Variants in ZNF334 observed in about 807,000 individuals in gnomAD.
ZNF334 encodes the protein zinc finger protein 334.
ZNF334 carries 14 observed loss-of-function variants against 12.4 expected under a neutral mutation model. The observed-to-expected ratio is 1.13, with a 90% confidence interval of 0.74 to 1.76. The LOEUF (loss-of-function observed/expected upper bound fraction) is 1.76, where lower values mean the gene tolerates loss of function less well. Ranked by LOEUF, ZNF334 falls within the 40% of genes most tolerant of loss-of-function variation. The probability of loss-of-function intolerance (pLI) is 0.00; values close to 1 mark genes in which losing one functional copy is unlikely to be tolerated. For synonymous variants in ZNF334, 273 were observed against 269.6 expected, an observed-to-expected ratio of 1.01 and a Z score of -0.12; for missense variants, 797 against 804.5, an observed-to-expected ratio of 0.99 and a Z score of 0.11.
At position 46,501,504 on chromosome 20, in the gene ZNF334, T is replaced by C. The variant is rs752781947; in HGVS notation, c.1835A>G (p.Lys612Arg). The part of the protein sequence containing the change: ...CNECGKSFCH[K>R]SAFRVHRRIH... ...TCTTCTATGGACTCTGAAGGCTGAC[T>C]TATGGCAGAAGGATTTCCCACATTC... The change falls in exon 5 of 5, where the codon AAG becomes AGG. Residue 612 changes from lysine to arginine, a missense_variant. Transcript: ENST00000692313. The C allele has an allele frequency of 1.7e-5, 27 of 1,614,050 alleles. No homozygotes were observed. The highest frequency in any genetic ancestry group is 2.1e-5 in the Non-Finnish European group (25 of 1,180,010).
intron 4 of ZNF334, among the ~76,000 whole-genome samples, chr20:46,503,698 A>G (rs2061331148): frequency 3.3e-5 from 5 of 152,278 alleles, no homozygotes. Context: ...TACCCAGGGC[A>G]CCTGTGCAAT....
At chr20:46,478,603 C>T in the ZNF334 span, among the ~76,000 whole-genome samples, 5 of 152,128 alleles carry the variant, frequency 3.3e-5, no homozygotes, top group Non-Finnish European at 1.5e-5. Flanking sequence ...TGAGGCATGT[C>T]CGACCCCACT....
chr20:46,468,862 T>C, the ZNF334 span, among the ~76,000 whole-genome samples: 1 of 152,194 alleles, frequency 6.6e-6, no homozygotes, highest in Non-Finnish European at 1.5e-5. Context: ...ATATGAGACA[T>C]AATTACTAAT....
At chr20:46,470,590 T>C in the ZNF334 span, among the ~76,000 whole-genome samples, 1 of 152,188 alleles carries the variant, frequency 6.6e-6, no homozygotes, top group East Asian at 1.9e-4. Flanking sequence ...AGATAAACAC[T>C]ATATTTTTAT....
At chr20:46,491,697 A>T in the ZNF334 span, 1 of 152,796 alleles carries the variant, frequency 6.5e-6, no homozygotes, top group Non-Finnish European at 1.5e-5. Flanking sequence ...CGTCTGTCAG[A>T]TCTAACACAA....
At chr20:46,509,763 G>A (rs1260515105) in intron 2 of ZNF334, 3 of 678,986 alleles carry the variant, frequency 4.4e-6, no homozygotes, top group Non-Finnish European at 8.1e-6. Context: ...TAAAACAGGA[G>A]GCAGCCTGGT....
rs762414224 is a variant in ZNF334 at position 46,503,051 on chromosome 20, A to C, written c.288T>G (p.His96Gln). Residue 96 changes from histidine (H) to glutamine (Q), a missense_variant, in exon 5 of 5, where the codon CAT (histidine) becomes CAG (glutamine). Physicochemically the swap from His to Gln is conservative, Grantham distance 24. Coordinates refer to ENST00000692313, the MANE Select transcript of ZNF334 (RefSeq NM_001353824.2). ...LEKNKEIQDK[H>Q]LTQTVFFSNK... Reference sequence around the variant, plus strand: ...TGCTGAAGAATACAGTTTGTGTCAAATGTTTATCTTGGATTTCCTTGTTCT... The same window carrying C: ...TGCTGAAGAATACAGTTTGTGTCAACTGTTTATCTTGGATTTCCTTGTTCT... 6 of 1,610,534 alleles carry C rather than the reference A, an allele frequency of 3.7e-6. No homozygotes were observed. Among genetic ancestry groups the C allele is most frequent in the Non-Finnish European group, 5.1e-6 (6 of 1,178,750 alleles).
At chr20:46,465,030 A>G in the ZNF334 span, 1 of 369,636 alleles carries the variant, frequency 2.7e-6, no homozygotes, top group East Asian at 6.9e-5. Context: ...CTTGCCCACT[A>G]CGCCATGTGG....
At chr20:46,510,508 G>A (rs749079677) in intron 2 of ZNF334, among the ~76,000 whole-genome samples, 23 of 152,234 alleles carry the variant, frequency 1.5e-4, no homozygotes, top group East Asian at 5.8e-4. Flanking sequence ...GGAGGATCAC[G>A]AGGTCAGGAG....
At chr20:46,462,820 ATGC>A in the ZNF334 span, among the ~76,000 whole-genome samples, 1 of 152,234 alleles carries the variant, frequency 6.6e-6, no homozygotes, top group African/African-American at 2.4e-5. Flanking sequence ...TACTGCATCT[ATGC>A]AGGGATGAGA....
chr20:46,490,177 A>G, the ZNF334 span, among the ~76,000 whole-genome samples: 1 of 152,150 alleles, frequency 6.6e-6, no homozygotes, highest in Non-Finnish European at 1.5e-5. Flanking sequence ...ATAATTGGGA[A>G]CTCTCATTTC....
intron 4 of ZNF334, among the ~76,000 whole-genome samples, chr20:46,503,593 T>C (rs550473200): frequency 1.3e-5 from 2 of 152,148 alleles, no homozygotes; most frequent in East Asian, 3.8e-4. Flanking sequence ...AATCTGAAAT[T>C]TTTGCAGTGA....
chr20:46,501,710 T>C lies in ZNF334; in HGVS notation c.1629A>G (p.Pro543=), dbSNP rs769057215. 2 of 1,614,062 alleles carry C rather than the reference T, an allele frequency of 1.2e-6. No individual in the cohort carries two copies. Among genetic ancestry groups the C allele is most frequent in the Admixed American group, 1.7e-5 (1 of 60,026 alleles). Residue 543 remains proline (P), a synonymous_variant, in exon 5 of 5, where the codon CCA becomes CCG. Coordinates refer to ENST00000692313, the MANE Select transcript of ZNF334 (RefSeq NM_001353824.2). ...TTCTCCCACATTCATTGCATTCATA[T>C]GGTCTCTCCCATATAGTTCTCTGAT... ...IVHQRTIWER[P]YECNECGRTY...
At chr20:46,485,009 C>T in the ZNF334 span, 1 of 167,100 alleles carries the variant, frequency 6.0e-6, no homozygotes. Flanking sequence ...GGAAACTGGA[C>T]TTATAAGGCA....
chr20:46,474,112 C>T, the ZNF334 span, among the ~76,000 whole-genome samples: 5 of 152,290 alleles, frequency 3.3e-5, no homozygotes, highest in East Asian at 1.9e-4. Context: ...CTGTGGCTCA[C>T]GCCTGTAATC....
At chr20:46,471,294 A>T in the ZNF334 span, among the ~76,000 whole-genome samples, 17 of 152,160 alleles carry the variant, frequency 1.1e-4, no homozygotes, top group African/African-American at 4.1e-4. Context: ...TATTTTGCCC[A>T]TTTTTAAAAT....
At chr20:46,479,863 C>A in the ZNF334 span, among the ~76,000 whole-genome samples, 169 of 152,318 alleles carry the variant, frequency 1.1e-3, no homozygotes, top group Non-Finnish European at 1.9e-3. Flanking sequence ...ACCCGCTTAC[C>A]TTAACCAAAG....
intron 2 of ZNF334, chr20:46,509,504 C>T (rs967691339): frequency 1.3e-5 from 9 of 693,032 alleles, no homozygotes; most frequent in African/African-American, 7.0e-5. Context: ...GGGGTCAGCA[C>T]GTGGGTCAGC....
chr20:46,506,892 G>A (rs1195911447), intron 2 of ZNF334, among the ~76,000 whole-genome samples: 1 of 151,956 alleles, frequency 6.6e-6, no homozygotes, highest in Non-Finnish European at 1.5e-5. Flanking sequence ...TGGGAGGATC[G>A]CTTGAACTCA....
Sources: allele counts gnomAD v4.1 joint callset (sites outside exome capture counted in the v4.1 genomes callset), GRCh38; gene constraint gnomAD v4.1.1; transcripts MANE v1.5; gene names NCBI Gene and HGNC (gene_info 2026-07-23, HGNC 2026-07-21).